TNFRSF1A: variants seen among roughly 807,000 people sequenced by gnomAD.
The protein encoded by TNFRSF1A is tumor necrosis factor receptor superfamily member 1A.
TNFRSF1A carries 9 observed loss-of-function variants against 41.6 expected under a neutral mutation model. That is an observed-to-expected ratio of 0.22 (90% confidence interval 0.13 to 0.38). TNFRSF1A has a LOEUF of 0.38. TNFRSF1A is among the 10% of genes least tolerant of loss of function. TNFRSF1A has a pLI of 1.00. For missense variants in TNFRSF1A, 463 were observed against 591.5 expected, an observed-to-expected ratio of 0.78 and a Z score of 2.25; for synonymous variants, 254 against 248.6, an observed-to-expected ratio of 1.02 and a Z score of -0.21.
intron 5 of TNFRSF1A, 89 bp downstream of exon 5, chr12:6,332,980 G>A: frequency 8.3e-7 from 1 of 1,200,646 alleles, no homozygotes; most frequent in Non-Finnish European, 1.2e-6. Flanking sequence ...GGGCATCCTG[G>A]CATCTGTTGC....
At position 6,334,636 on chromosome 12, in the gene TNFRSF1A, TACGGCCGTGAACCACCATGCCCAGCTA is replaced by T. The variant is rs1306480543; in HGVS notation, c.40-419_40-393del. ...CCTTAGCCTCCTGAATAGCTGGGAC[TACGGCCGTGAACCACCATGCCCAGCTA>T]ATTTTTTTTTATTTTTAGTAGAGGC... On this transcript the variant is annotated intron_variant, in intron 1 of 9. Transcript: ENST00000162749. The surrounding 1 kb of genome is among the most constrained non-coding windows in gnomAD (Gnocchi z 5.1). 6.6e-6 allele frequency among the ~76,000 whole-genome samples: 1 copy of T among 152,126 alleles called. No individual in the cohort carries two copies. Among genetic ancestry groups the T allele is most frequent in the Non-Finnish European group, 1.5e-5 (1 of 68,022 alleles).
intron 6 of TNFRSF1A, 57 bp downstream of exon 6, chr12:6,330,795 TG>T: frequency 6.3e-7 from 1 of 1,583,780 alleles, no homozygotes. Flanking sequence ...GATGGACGGG[TG>T]GGGGCAAGAA....
In TNFRSF1A at chr12:6,341,784, G is replaced by A. The variant is rs1195086731; in HGVS notation, c.31C>T (p.Leu11=). ...TTTGTCCCTGGTCTCACCAGTGGCAGCAGCAGGTCAGGCACGGTGGAGAGG... is the reference window on the plus strand; with the variant it reads ...TTTGTCCCTGGTCTCACCAGTGGCAACAGCAGGTCAGGCACGGTGGAGAGG... MGLSTVPDLL[L]PLVLLELLVG... Residue 11 remains leucine, a synonymous_variant, in exon 1 of 10, where the codon CTG becomes TTG. Transcript: ENST00000162749. The surrounding 1 kb of genome is among the most constrained non-coding windows in gnomAD (Gnocchi z 4.6). 8 of 1,614,146 alleles carry A rather than the reference G, an allele frequency of 5.0e-6. No homozygotes were observed. The highest frequency in any genetic ancestry group is 6.8e-6 in the Non-Finnish European group (8 of 1,180,002).
chr12:6,330,702 A>G lies in TNFRSF1A; in HGVS notation c.635T>C (p.Val212Ala). ...AAAGAAAATGACCAGGGGCAACAGC[A>G]CTGTGGTGCCTGCAGACAAAGCAGG... ...VKGTEDSGTTVLLPLVIFFGL... is the reference protein window; with the variant it reads ...VKGTEDSGTTALLPLVIFFGL... The change falls in exon 7 of 10, where the codon GTG becomes GCG. Residue 212 changes from valine to alanine, a missense_variant. Val to Ala is a moderately conservative substitution (Grantham distance 64). Transcript: ENST00000162749. 1 of 1,613,342 alleles carries G rather than the reference A, an allele frequency of 6.2e-7. No homozygotes were observed. Among genetic ancestry groups the G allele is most frequent in the Non-Finnish European group, 8.5e-7 (1 of 1,179,284 alleles).
At position 6,329,298 on chromosome 12, in the gene TNFRSF1A, G is replaced by T; in HGVS notation, c.*14C>A. On this transcript the variant is annotated 3_prime_UTR_variant, in exon 10 of 10. Transcript: ENST00000162749. ...CGCAGGACGGTCCTTAGAGCTGCCC[G>T]CAGGGGCGCAGCCTCATCTGAGAAG... 6.9e-7 allele frequency: 1 copy of T among 1,457,360 alleles called. No homozygotes were observed. Among genetic ancestry groups the T allele is most frequent in the Non-Finnish European group, 9.0e-7 (1 of 1,113,198 alleles). 90.3% of individuals were successfully genotyped at this position (1,457,360 alleles called of 1,614,324 possible).
At chr12:6,335,242 A>C (rs1024133737) in intron 1 of TNFRSF1A, among the ~76,000 whole-genome samples, 17 of 152,204 alleles carry the variant, frequency 1.1e-4, no homozygotes, top group African/African-American at 4.1e-4. Flanking sequence ...GCAAGGACAA[A>C]TGGGGAGGAG....
chr12:6,337,803 T>C lies in TNFRSF1A; in HGVS notation c.40-3559A>G, dbSNP rs186047455. Among the ~76,000 whole-genome samples the C allele has an allele frequency of 2.6e-5, 4 of 152,262 alleles. No individual in the cohort carries two copies. In the East Asian group the frequency reaches 7.7e-4, roughly 29 times the overall value. ...AATGTCTTGGTCAGAAAGTGTCTTA[T>C]CCTCCCCTGGTGTCCTCTCAGCTCC... is the stretch of plus-strand genomic sequence containing the variant. On this transcript the variant is annotated intron_variant, in intron 1 of 9. Transcript: ENST00000162749. The surrounding 1 kb of genome is among the most constrained non-coding windows in gnomAD (Gnocchi z 4.6).
Position 6,341,715 on chromosome 12 carries a change from C to G in TNFRSF1A, c.39+61G>C. ...GGCTCGGCCCCCTCCCGGAGAGGGC[C>G]CACGCCAGCCGGAAGGTGCCTCGCC... On this transcript the variant is annotated intron_variant, in intron 1 of 9. Coordinates refer to ENST00000162749, the MANE Select transcript of TNFRSF1A (RefSeq NM_001065.4). The surrounding 1 kb of genome is among the most constrained non-coding windows in gnomAD (Gnocchi z 4.6). 6.2e-7 allele frequency: 1 copy of G among 1,601,492 alleles called. No homozygotes were observed. Among genetic ancestry groups the G allele is most frequent in the Non-Finnish European group, 8.5e-7 (1 of 1,172,108 alleles).
At chr12:6,332,430 T>C in intron 5 of TNFRSF1A, among the ~76,000 whole-genome samples, 1 of 93,748 alleles carries the variant, frequency 1.1e-5, no homozygotes, top group Non-Finnish European at 2.0e-5. Context: ...TGAAACCCTG[T>C]CTCAAAAAAA....
At position 6,329,932 on chromosome 12, in the gene TNFRSF1A, G is replaced by A. The variant is rs1338450773; in HGVS notation, c.903C>T (p.Pro301=). 5 of 1,570,856 alleles carry A rather than the reference G, an allele frequency of 3.2e-6. No homozygotes were observed. The highest frequency in any genetic ancestry group is 4.3e-6 in the Non-Finnish European group (5 of 1,156,572). Residue 301 remains proline (P), a synonymous_variant, in exon 9 of 10, where the codon CCC becomes CCT. Transcript: ENST00000162749. Reference sequence around the variant, plus strand: ...GAGCCGCAAAGTTGGGACAGTCACCGGGGGTATAGGTGGAGCTGGAGGTGA... The same window carrying A: ...GAGCCGCAAAGTTGGGACAGTCACCAGGGGTATAGGTGGAGCTGGAGGTGA... The part of the protein sequence containing the change: ...STFTSSSTYT[P]GDCPNFAAPR...
chr12:6,329,142 T>C lies in TNFRSF1A; in HGVS notation c.*170A>G, dbSNP rs937035395. The C allele has an allele frequency of 1.7e-6, 1 of 604,830 alleles. No homozygotes were observed. 37.5% of individuals were successfully genotyped at this position (604,830 alleles called of 1,614,324 possible). A position where few individuals can be genotyped will look rare whatever the true frequency, so the allele number is the denominator to read the frequency against. ...CTCTCCGCGCGCACAGCGCTGACTGTCGGCGGCGCGCAGGCAGCTGAGAAA... is the reference window on the plus strand; with the variant it reads ...CTCTCCGCGCGCACAGCGCTGACTGCCGGCGGCGCGCAGGCAGCTGAGAAA... On this transcript the variant is annotated 3_prime_UTR_variant, in exon 10 of 10. Coordinates refer to ENST00000162749, the MANE Select transcript of TNFRSF1A (RefSeq NM_001065.4).
In TNFRSF1A at chr12:6,330,700, G is replaced by A; in HGVS notation, c.637C>T (p.Leu213=). Reference sequence around the variant, plus strand: ...CCAAAGAAAATGACCAGGGGCAACAGCACTGTGGTGCCTGCAGACAAAGCA... The same window carrying A: ...CCAAAGAAAATGACCAGGGGCAACAACACTGTGGTGCCTGCAGACAAAGCA... ...KGTEDSGTTV[L]LPLVIFFGLC... The change falls in exon 7 of 10, where the codon CTG becomes TTG. Residue 213 remains leucine, a synonymous_variant. Transcript: ENST00000162749. 6.2e-7 allele frequency: 1 copy of A among 1,613,226 alleles called. No homozygotes were observed.
At chr12:6,330,141 G>A (rs202108883) in intron 8 of TNFRSF1A, 75 bp from the exon 9 acceptor site, 1 of 1,611,138 alleles carries the variant, frequency 6.2e-7, no homozygotes, top group East Asian at 2.2e-5. Context: ...CTACGTGGGG[G>A]TTGGGACTTA....
intron 5 of TNFRSF1A, 56 bp from the exon 6 acceptor site, chr12:6,330,982 A>T (rs1183522692): frequency 7.0e-7 from 1 of 1,431,272 alleles, no homozygotes; most frequent in Non-Finnish European, 9.8e-7. Flanking sequence ...GGAACACAGA[A>T]AAACAACCAC....
At chr12:6,338,850 G>A (rs999313680) in intron 1 of TNFRSF1A, among the ~76,000 whole-genome samples, 13 of 152,070 alleles carry the variant, frequency 8.5e-5, no homozygotes, top group East Asian at 5.8e-4. Flanking sequence ...GGCTGGTCTC[G>A]AACTCCTGGA....
At position 6,329,838 on chromosome 12, in the gene TNFRSF1A, G is replaced by A. The variant is rs1338161780; in HGVS notation, c.997C>T (p.Pro333Ser). Reference sequence around the variant, plus strand: ...CACTTCTGAAGGGGGTTGGGGATGGGGTCGGAGGCGAGGGCTGTCGCAAGG... The same window carrying A: ...CACTTCTGAAGGGGGTTGGGGATGGAGTCGGAGGCGAGGGCTGTCGCAAGG... ...PILATALASD[P>S]IPNPLQKWED... Residue 333 changes from proline (P) to serine (S), a missense_variant, in exon 9 of 10, where the codon CCC becomes TCC. This residue lies in a region of TNFRSF1A where 277 missense variants were observed against 288.8 expected (regional missense o/e 0.96). Coordinates refer to ENST00000162749, the MANE Select transcript of TNFRSF1A (RefSeq NM_001065.4). The A allele has an allele frequency of 1.1e-5, 17 of 1,604,228 alleles. No individual in the cohort carries two copies. The highest frequency in any genetic ancestry group is 1.4e-5 in the Non-Finnish European group (16 of 1,176,430).
chr12:6,329,068 C>T lies in TNFRSF1A; in HGVS notation c.*244G>A, dbSNP rs149132203. 7.3e-6 allele frequency: 3 copies of T among 413,630 alleles called. No individual in the cohort carries two copies. Among genetic ancestry groups the T allele is most frequent in the East Asian group, 3.6e-5 (1 of 27,934 alleles). The allele number at this position is 413,630 out of a possible 1,614,324, so 25.6% of individuals were successfully genotyped here. ...AAAACGGGCATGAGGCATAGCGTCC[C>T]TCATCCTCGCAAACCACCCACTCAG... is the stretch of plus-strand genomic sequence containing the variant. On this transcript the variant is annotated 3_prime_UTR_variant, in exon 10 of 10. Coordinates refer to ENST00000162749, the MANE Select transcript of TNFRSF1A (RefSeq NM_001065.4).
Position 6,333,313 on chromosome 12 carries a change from G to A in TNFRSF1A, c.472+54C>T, listed in dbSNP as rs762580873. 2 of 1,599,498 alleles carry A rather than the reference G, an allele frequency of 1.3e-6. No homozygotes were observed. Among genetic ancestry groups the A allele is most frequent in the African/African-American group, 2.7e-5 (2 of 74,720 alleles). ...AAAGGAAGTGCCACCGCATGGGGAA[G>A]GGGCCAACCCCTGGGGTGGGGAGAG... is the stretch of plus-strand genomic sequence containing the variant. On this transcript the variant is annotated intron_variant, in intron 4 of 9. Transcript: ENST00000162749. The surrounding 1 kb of genome is among the most constrained non-coding windows in gnomAD (Gnocchi z 6.3).
At position 6,341,106 on chromosome 12, in the gene TNFRSF1A, T is replaced by C. The variant is rs555152627; in HGVS notation, c.39+670A>G. On this transcript the variant is annotated intron_variant, in intron 1 of 9. Transcript: ENST00000162749. The surrounding 1 kb of genome is among the most constrained non-coding windows in gnomAD (Gnocchi z 4.6). ...TAGCAGCAGGCAAAAGGGTAAAGAA[T>C]GTCCCCAGGTGAGAGGCCGGGGCTT... Among the ~76,000 whole-genome samples the C allele has an allele frequency of 2.6e-5, 4 of 152,090 alleles. No homozygotes were observed. The highest frequency in any genetic ancestry group is 6.5e-5 in the Admixed American group (1 of 15,286).
Sources: gnomAD v4.1 joint callset for allele counts (sites outside exome capture counted in the v4.1 genomes callset) on GRCh38, gnomAD v4.1.1 for gene constraint, gnomAD v4.1.1 regional missense constraint, Gnocchi (gnomAD v3.1) non-coding constraint, MANE v1.5 for transcripts, NCBI Gene and HGNC (gene_info 2026-07-23, HGNC 2026-07-21) for gene names.